EXT1: variants seen among roughly 807,000 people sequenced by gnomAD.
EXT1 encodes exostosin-1.
A neutral mutation model predicts 82.5 loss-of-function variants in EXT1; 20 were observed. The ratio of observed to expected loss-of-function variants is 0.24; its 90% confidence interval spans 0.17 to 0.35. The LOEUF is 0.35. EXT1 is among the 10% of genes least tolerant of loss of function. The pLI is 1.00. For synonymous variants in EXT1, 348 were observed against 350.8 expected (o/e 0.99, Z 0.09); for missense variants, 757 against 936.5 (o/e 0.81, Z 2.50).
chr8:118,052,813 G>A (rs1816739053), intron 1 of EXT1, among the ~76,000 whole-genome samples: 1 of 152,204 alleles, frequency 6.6e-6, no homozygotes, highest in Admixed American at 6.5e-5. Flanking sequence ...AGGCCCATCT[G>A]TCTGCAGTGA....
At chr8:118,018,114 C>A (rs933240518) in intron 1 of EXT1, among the ~76,000 whole-genome samples, 1 of 152,170 alleles carries the variant, frequency 6.6e-6, no homozygotes, top group Non-Finnish European at 1.5e-5. Context: ...GTGTATGTTA[C>A]TAGTTGAGCT....
intron 1 of EXT1, among the ~76,000 whole-genome samples, chr8:117,883,224 T>C (rs557968635): frequency 7.2e-5 from 11 of 152,344 alleles, no homozygotes; most frequent in African/African-American, 1.9e-4. Flanking sequence ...GGTTCACTTA[T>C]GTGATTTGAA....
chr8:117,878,033 G>A (rs1333400720), intron 1 of EXT1, among the ~76,000 whole-genome samples: 2 of 152,202 alleles, frequency 1.3e-5, no homozygotes, highest in Non-Finnish European at 2.9e-5. Context: ...AGCACTTTGG[G>A]AGGCCGAGGT....
intron 1 of EXT1, among the ~76,000 whole-genome samples, chr8:117,864,210 G>A (rs915364334): frequency 1.1e-4 from 16 of 152,120 alleles, no homozygotes; most frequent in Non-Finnish European, 8.8e-5. Flanking sequence ...TTTTTAAAAA[G>A]ACTTCATTCT....
intron 10 of EXT1, among the ~76,000 whole-genome samples, chr8:117,802,055 A>C (rs1823174609): frequency 6.6e-6 from 1 of 152,216 alleles, no homozygotes; most frequent in African/African-American, 2.4e-5. Flanking sequence ...AGAGGATGAT[A>C]TCTATTTACT....
At chr8:117,937,310 T>A (rs1814184022) in intron 1 of EXT1, among the ~76,000 whole-genome samples, 1 of 152,218 alleles carries the variant, frequency 6.6e-6, no homozygotes, top group African/African-American at 2.4e-5. Flanking sequence ...TTCATCATAA[T>A]GTAACAAGTT....
At chr8:118,079,677 C>G (rs1045838928) in intron 1 of EXT1, among the ~76,000 whole-genome samples, 31 of 150,094 alleles carry the variant, frequency 2.1e-4, no homozygotes, top group Admixed American at 4.0e-4. Flanking sequence ...ACCCCACCCA[C>G]TAATTAGTTT....
intron 1 of EXT1, among the ~76,000 whole-genome samples, chr8:117,839,991 T>C (rs924856838): frequency 6.6e-6 from 1 of 152,168 alleles, no homozygotes; most frequent in Admixed American, 6.6e-5. Flanking sequence ...GAGGAGATTA[T>C]AGAAGGCCGA....
At chr8:117,836,542 AG>A (rs1279130044) in intron 2 of EXT1, among the ~76,000 whole-genome samples, 8 of 152,204 alleles carry the variant, frequency 5.3e-5, no homozygotes, top group African/African-American at 1.7e-4. Context: ...TGCAACTTCC[AG>A]GTGGGAAATG....
chr8:117,809,578 G>A (rs1383938490), intron 8 of EXT1, among the ~76,000 whole-genome samples: 6 of 151,468 alleles, frequency 4.0e-5, no homozygotes, highest in Admixed American at 1.3e-4. Flanking sequence ...CGGAGGTTGC[G>A]GTGAGCCGAG....
At chr8:117,904,231 C>A (rs561456600) in intron 1 of EXT1, among the ~76,000 whole-genome samples, 1 of 152,238 alleles carries the variant, frequency 6.6e-6, no homozygotes, top group South Asian at 2.1e-4. Context: ...AATCCAATTT[C>A]TTTTTCTAAA....
chr8:117,857,689 C>T (rs1375354098), intron 1 of EXT1, among the ~76,000 whole-genome samples: 2 of 148,176 alleles, frequency 1.3e-5, no homozygotes, highest in Non-Finnish European at 3.0e-5. Context: ...GCTTGAGCAA[C>T]AGAACAAAAC....
intron 1 of EXT1, among the ~76,000 whole-genome samples, chr8:117,907,610 G>A (rs530842884): frequency 7.1e-4 from 108 of 152,258 alleles, no homozygotes; most frequent in African/African-American, 2.5e-3. Flanking sequence ...GAGATACTCT[G>A]AATTAGGAAT....
At position 117,797,511 on chromosome 8, in the gene EXT1, C is replaced by T. The variant is rs969494595; in HGVS notation, c.*2201G>A. 6.6e-6 allele frequency: 1 copy of T among 152,098 alleles called. No individual in the cohort carries two copies. The highest frequency in any genetic ancestry group is 2.4e-5 in the African/African-American group (1 of 41,420). 9.4% of individuals were successfully genotyped at this position (152,098 alleles called of 1,614,324 possible). A position where few individuals can be genotyped will look rare whatever the true frequency, so the allele number is the denominator to read the frequency against. On this transcript the variant is annotated 3_prime_UTR_variant, in exon 11 of 11. Coordinates refer to ENST00000378204, the MANE Select transcript of EXT1 (RefSeq NM_000127.3). Reference sequence around the variant, plus strand: ...ATTGCTTTGCAAGCCAATATGACCACCTAAGTTTCAAGTTGGTTTTGGGGT... The same window carrying T: ...ATTGCTTTGCAAGCCAATATGACCATCTAAGTTTCAAGTTGGTTTTGGGGT...
chr8:117,980,709 T>TG (rs1815177870), intron 1 of EXT1, among the ~76,000 whole-genome samples: 1 of 43,406 alleles, frequency 2.3e-5, no homozygotes, highest in Non-Finnish European at 4.6e-5. Context: ...TTTTTTTTTT[T>TG]TTTTTTTTTT....
chr8:117,833,563 TGA>T (rs1812136821), intron 3 of EXT1, among the ~76,000 whole-genome samples: 1 of 151,372 alleles, frequency 6.6e-6, no homozygotes, highest in African/African-American at 2.4e-5. Context: ...TGCAGTGAGC[TGA>T]GATCATGCCA....
intron 1 of EXT1, among the ~76,000 whole-genome samples, chr8:117,880,736 G>C (rs569598196): frequency 6.6e-6 from 1 of 151,672 alleles, no homozygotes; most frequent in Non-Finnish European, 1.5e-5. Flanking sequence ...GACTACAGGC[G>C]CCCGCCACCA....
chr8:118,022,376 C>T (rs1426848833), intron 1 of EXT1, among the ~76,000 whole-genome samples: 9 of 107,960 alleles, frequency 8.3e-5, no homozygotes, highest in Non-Finnish European at 1.5e-4. Context: ...CTTGCTCTGT[C>T]ACCCAGGCTG....
chr8:118,024,863 C>T (rs1414061485), intron 1 of EXT1, among the ~76,000 whole-genome samples: 6 of 152,300 alleles, frequency 3.9e-5, no homozygotes, highest in Non-Finnish European at 8.8e-5. Context: ...ATCTTTCATC[C>T]AACTAGCAGC....
Sources: gnomAD v4.1 joint callset for allele counts (sites outside exome capture counted in the v4.1 genomes callset) on GRCh38, gnomAD v4.1.1 for gene constraint, MANE v1.5 for transcripts, NCBI Gene and HGNC (gene_info 2026-07-23, HGNC 2026-07-21) for gene names.